LHFPL6: variants seen among roughly 807,000 people sequenced by gnomAD.
LHFPL6 encodes LHFPL tetraspan subfamily member 6 protein.
Under a neutral mutation model 20.6 loss-of-function variants are expected in LHFPL6, and 9 were observed. That is an observed-to-expected ratio of 0.44 (90% CI 0.26 to 0.76). LHFPL6 has a LOEUF of 0.76. LHFPL6 is among the 30% of genes least tolerant of loss of function. The pLI is 0.20. For synonymous variants in LHFPL6, 105 were observed against 98.7 expected (o/e 1.06, Z -0.38); for missense variants, 218 against 253.5 (o/e 0.86, Z 0.95).
intron 1 of LHFPL6, among the ~76,000 whole-genome samples, chr13:39,602,005 A>G (rs1026561100): frequency 3.9e-5 from 6 of 152,216 alleles, no homozygotes; most frequent in African/African-American, 1.4e-4. Context: ...AACATCTTCT[A>G]GTGTAAAAGA....
intron 2 of LHFPL6, among the ~76,000 whole-genome samples, chr13:39,473,137 A>G (rs927946431): frequency 6.6e-6 from 1 of 151,864 alleles, no homozygotes; most frequent in African/African-American, 2.4e-5. Flanking sequence ...TGGAGGGTGG[A>G]GATGCAGAGT....
At chr13:39,511,319 T>C (rs955276105) in intron 2 of LHFPL6, among the ~76,000 whole-genome samples, 1 of 152,196 alleles carries the variant, frequency 6.6e-6, no homozygotes, top group East Asian at 1.9e-4. Flanking sequence ...TACAATATTA[T>C]ACATACAGTC....
rs1415099755 is a variant in LHFPL6 at position 39,360,401 on chromosome 13, G to A, written c.485-16347C>T. 3.1e-5 allele frequency among the ~76,000 whole-genome samples: 3 copies of A among 97,598 alleles called. 1 individual carries two copies. The highest frequency in any genetic ancestry group is 7.3e-5 in the Non-Finnish European group (3 of 41,376). The allele number at this position is 97,598 out of a possible 152,430, so 64.0% of individuals were successfully genotyped here. On this transcript the variant is annotated intron_variant, in intron 3 of 3. Transcript: ENST00000379589. ...GCTAACCAGAAGATAAAATGCAGAT[G>A]TGTTCATCAGTAAGAACTGACACAC...
chr13:39,584,023 A>T (rs1593374015), intron 2 of LHFPL6, among the ~76,000 whole-genome samples: 1 of 151,834 alleles, frequency 6.6e-6, no homozygotes. Context: ...CTTCCTTGGC[A>T]CCCTTCTAGG....
intron 2 of LHFPL6, among the ~76,000 whole-genome samples, chr13:39,517,999 C>T (rs927324623): frequency 1.5e-4 from 23 of 152,216 alleles, no homozygotes; most frequent in Non-Finnish European, 5.9e-5. Context: ...AAGCTACTGG[C>T]TGGGATTCCA....
rs533931344 is a variant in LHFPL6, at chr13:39,539,515, T to C, written c.385+61317A>G. On this transcript the variant is annotated intron_variant, in intron 2 of 3. Transcript: ENST00000379589. ...TACCACTGCAACCCAGCTCATTCTT[T>C]CAAGTCCTCTGGATACTGGCTATTC... Among the ~76,000 whole-genome samples the C allele has an allele frequency of 6.6e-5, 10 of 152,334 alleles. No individual in the cohort carries two copies. The East Asian group carries it at 1.9e-3, about 29-fold the overall frequency.
intron 2 of LHFPL6, among the ~76,000 whole-genome samples, chr13:39,539,270 C>A (rs1300165609): frequency 6.6e-6 from 1 of 151,906 alleles, no homozygotes; most frequent in Non-Finnish European, 1.5e-5. Context: ...TGTTTTCTTG[C>A]ACAGCTAGTC....
chr13:39,451,286 T>C (rs1212707023), intron 2 of LHFPL6, among the ~76,000 whole-genome samples: 1 of 152,226 alleles, frequency 6.6e-6, no homozygotes, highest in Non-Finnish European at 1.5e-5. Context: ...ACCTGAACTT[T>C]TGTTTTATTC....
At chr13:39,409,580 T>G (rs577433588) in intron 2 of LHFPL6, among the ~76,000 whole-genome samples, 1 of 152,350 alleles carries the variant, frequency 6.6e-6, no homozygotes, top group South Asian at 2.1e-4. Context: ...CAGGGACTTA[T>G]ATGTCTCTGG....
intron 2 of LHFPL6, among the ~76,000 whole-genome samples, chr13:39,455,201 A>T (rs529039287): frequency 6.6e-6 from 1 of 152,262 alleles, no homozygotes; most frequent in Non-Finnish European, 1.5e-5. Flanking sequence ...CAGCTGTTTC[A>T]TGTTTAAATC....
intron 2 of LHFPL6, among the ~76,000 whole-genome samples, chr13:39,523,127 T>C (rs575529069): frequency 6.6e-6 from 1 of 152,348 alleles, no homozygotes; most frequent in African/African-American, 2.4e-5. Context: ...TCATCCTTTA[T>C]ATAATATTAT....
At chr13:39,538,391 T>C (rs1036356057) in intron 2 of LHFPL6, among the ~76,000 whole-genome samples, 2 of 150,480 alleles carry the variant, frequency 1.3e-5, no homozygotes, top group Admixed American at 1.3e-4. Context: ...GATTTTAGGA[T>C]CCCTTTGCAC....
intron 2 of LHFPL6, among the ~76,000 whole-genome samples, chr13:39,410,763 G>A (rs1871226164): frequency 6.6e-6 from 1 of 152,148 alleles, no homozygotes; most frequent in Admixed American, 6.5e-5. Context: ...AGTGGCTTCA[G>A]GATGCTTTTC....
Position 39,378,414 on chromosome 13 carries a change from T to C in LHFPL6, c.484+14A>G, listed in dbSNP as rs568943709. 42 of 1,606,440 alleles carry C rather than the reference T, an allele frequency of 2.6e-5. 1 individual carries two copies. The East Asian group carries it at 8.9e-4, about 34-fold the overall frequency. ...CTTTTTCTAAAAGGAGTGCCATCCA[T>C]GAAGAAAGCTTACCCAGGTCAAACT... On this transcript the variant is annotated intron_variant, in intron 3 of 3. Coordinates refer to ENST00000379589, the MANE Select transcript of LHFPL6 (RefSeq NM_005780.3).
intron 2 of LHFPL6, among the ~76,000 whole-genome samples, chr13:39,544,498 C>T (rs1870912147): frequency 6.6e-6 from 1 of 150,526 alleles, no homozygotes; most frequent in Non-Finnish European, 1.5e-5. Flanking sequence ...CTTCACTAAG[C>T]TCTCCCTTAA....
intron 2 of LHFPL6, among the ~76,000 whole-genome samples, chr13:39,489,423 G>A (rs188121748): frequency 5.3e-4 from 81 of 152,118 alleles, no homozygotes; most frequent in African/African-American, 1.9e-3. Flanking sequence ...TCATCAAAAG[G>A]GTTAGTCTTG....
At chr13:39,390,527 C>T (rs1241446742) in intron 2 of LHFPL6, among the ~76,000 whole-genome samples, 1 of 151,286 alleles carries the variant, frequency 6.6e-6, no homozygotes, top group African/African-American at 2.4e-5. Flanking sequence ...ACAAAGGAAA[C>T]AAGATTTTAC....
At chr13:39,398,804 A>G (rs1305051397) in intron 2 of LHFPL6, among the ~76,000 whole-genome samples, 3 of 152,182 alleles carry the variant, frequency 2.0e-5, no homozygotes, top group Non-Finnish European at 4.4e-5. Context: ...TAGAAGCACA[A>G]ACCCTATTGT....
chr13:39,453,066 G>C (rs1312787567), intron 2 of LHFPL6, among the ~76,000 whole-genome samples: 1 of 152,132 alleles, frequency 6.6e-6, no homozygotes, highest in Non-Finnish European at 1.5e-5. Context: ...TTGAGATAGA[G>C]AGAAGCCTGC....
Sources: allele counts gnomAD v4.1 joint callset (sites outside exome capture counted in the v4.1 genomes callset), GRCh38; gene constraint gnomAD v4.1.1; transcripts MANE v1.5; gene names NCBI Gene and HGNC (gene_info 2026-07-23, HGNC 2026-07-21).